ADGRV1: variants seen among roughly 807,000 people sequenced by gnomAD.
The protein encoded by ADGRV1 is G-protein coupled receptor 98.
Under a neutral mutation model 596.2 loss-of-function variants are expected in ADGRV1, and 359 were observed. That is an observed-to-expected ratio of 0.60 (90% CI 0.55 to 0.66). The LOEUF is 0.66. Among genes scored for constraint, ADGRV1 ranks in the 30% least tolerant of loss-of-function variants. The probability of loss-of-function intolerance (pLI) is 0.00; values close to 1 mark genes in which losing one functional copy is unlikely to be tolerated. For synonymous variants in ADGRV1, 2,681 were observed against 2,679.2 expected (o/e 1.00, Z -0.02); for missense variants, 7,274 against 7,575.6 (o/e 0.96, Z 1.48).
chr5:91,032,641 C>G (rs1440574008), intron 85 of ADGRV1, among the ~76,000 whole-genome samples: 1 of 151,884 alleles, frequency 6.6e-6, no homozygotes, highest in East Asian at 1.9e-4. Flanking sequence ...CTTTGCCTTA[C>G]TAAGTTTTTG....
intron 83 of ADGRV1, among the ~76,000 whole-genome samples, chr5:90,926,220 C>T (rs1774427478): frequency 6.6e-6 from 1 of 152,052 alleles, no homozygotes; most frequent in Admixed American, 6.6e-5. Context: ...CCACTTCCTC[C>T]TTGTACCTCT....
intron 14 of ADGRV1, among the ~76,000 whole-genome samples, chr5:90,644,326 T>C (rs570896612): frequency 6.6e-6 from 1 of 152,340 alleles, no homozygotes; most frequent in South Asian, 2.1e-4. Context: ...AAATAGTTTA[T>C]TTTTAGAGCA....
chr5:91,082,530 G>A (rs1405824922), intron 86 of ADGRV1, among the ~76,000 whole-genome samples: 4 of 151,954 alleles, frequency 2.6e-5, no homozygotes, highest in African/African-American at 9.7e-5. Context: ...TTTTAAAAGA[G>A]CACTTTTTAA....
chr5:90,844,795 C>T (rs1765723374), intron 78 of ADGRV1, among the ~76,000 whole-genome samples: 2 of 152,148 alleles, frequency 1.3e-5, no homozygotes, highest in African/African-American at 4.8e-5. Context: ...TGTCTTCTAT[C>T]CTGACAACTT....
At chr5:90,837,492 T>G (rs1277240332) in intron 77 of ADGRV1, among the ~76,000 whole-genome samples, 1 of 151,714 alleles carries the variant, frequency 6.6e-6, no homozygotes, top group Non-Finnish European at 1.5e-5. Flanking sequence ...CGGCTCAGTC[T>G]CTCGAGTAAC....
chr5:91,098,187 A>C (rs992240225), intron 86 of ADGRV1, among the ~76,000 whole-genome samples: 26 of 152,352 alleles, frequency 1.7e-4, no homozygotes, highest in African/African-American at 4.8e-4. Flanking sequence ...TAGGAAATAT[A>C]AAACCAAAGT....
chr5:90,736,544 G>A (rs1753247348), intron 50 of ADGRV1, among the ~76,000 whole-genome samples: 1 of 152,084 alleles, frequency 6.6e-6, no homozygotes, highest in Non-Finnish European at 1.5e-5. Flanking sequence ...AAGAAGGATT[G>A]GTATTTGCTC....
chr5:90,775,251 A>G (rs185173263), intron 60 of ADGRV1, among the ~76,000 whole-genome samples: 113 of 152,322 alleles, frequency 7.4e-4, no homozygotes, highest in African/African-American at 2.4e-3. Context: ...TAGAGTATCT[A>G]TCACTGTGTA....
chr5:90,675,257 T>C lies in ADGRV1; in HGVS notation c.5125T>C (p.Ser1709Pro). The C allele has an allele frequency of 6.2e-7, 1 of 1,613,242 alleles. No individual in the cohort carries two copies. Among genetic ancestry groups the C allele is most frequent in the Non-Finnish European group, 8.5e-7 (1 of 1,179,728 alleles). Reference sequence around the variant, plus strand: ...GTCTCCACTAGGCTTGCTGCAGTTCTCCACAGGGCTGCCTCCTCAGCCTAA... The same window carrying C: ...GTCTCCACTAGGCTTGCTGCAGTTCCCCACAGGGCTGCCTCCTCAGCCTAA... ...SDHPYGLLQFSTGLPPQPKDA... is the reference protein window; with the variant it reads ...SDHPYGLLQFPTGLPPQPKDA... The change falls in exon 24 of 90, where the codon TCC becomes CCC. Residue 1709 changes from serine to proline, a missense_variant. Ser to Pro is a moderately conservative substitution (Grantham distance 74, BLOSUM62 -1). Transcript: ENST00000405460.
At chr5:90,854,251 G>A (rs980964743) in intron 81 of ADGRV1, 50 bp downstream of exon 81, 10 of 1,395,816 alleles carry the variant, frequency 7.2e-6, no homozygotes, top group South Asian at 1.4e-5. Flanking sequence ...TCCCCATTTC[G>A]GTACCACTGA....
intron 29 of ADGRV1, among the ~76,000 whole-genome samples, chr5:90,687,741 C>G (rs937113742): frequency 4.6e-5 from 7 of 152,084 alleles, no homozygotes; most frequent in African/African-American, 1.7e-4. Context: ...CACAAGCACT[C>G]TTATACACCA....
intron 85 of ADGRV1, among the ~76,000 whole-genome samples, chr5:90,989,179 T>C (rs1446109902): frequency 6.6e-6 from 1 of 152,036 alleles, no homozygotes; most frequent in Non-Finnish European, 1.5e-5. Context: ...CTGGGTCAAA[T>C]GGTATTTCTA....
At chr5:90,959,838 T>C (rs938869761) in intron 83 of ADGRV1, among the ~76,000 whole-genome samples, 3 of 152,180 alleles carry the variant, frequency 2.0e-5, no homozygotes, top group South Asian at 2.1e-4. Flanking sequence ...TGCAAACTAA[T>C]GTATTAGAAA....
intron 45 of ADGRV1, among the ~76,000 whole-genome samples, chr5:90,723,590 A>G (rs978084293): frequency 6.6e-6 from 1 of 152,226 alleles, no homozygotes; most frequent in African/African-American, 2.4e-5. Flanking sequence ...TGTCAGGACC[A>G]TTTGGGACTC....
At chr5:90,644,637 ATTTCT>A (rs886126756) in intron 14 of ADGRV1, 64 bp from the exon 15 acceptor site, 38 of 1,243,524 alleles carry the variant, frequency 3.1e-5, no homozygotes, top group African/African-American at 7.8e-5. Flanking sequence ...TATTTAACCG[ATTTCT>A]TTACTCATCA....
At chr5:90,681,829 CG>C in intron 27 of ADGRV1, among the ~76,000 whole-genome samples, 1 of 141,178 alleles carries the variant, frequency 7.1e-6, no homozygotes, top group Non-Finnish European at 1.5e-5. Context: ...TCCCTCACTC[CG>C]TCCCTCCCTC....
rs189163231 is a variant in ADGRV1, at chr5:90,596,760, G to A, written c.23-18075G>A. ...CAGCAGTACAGTCCAGCTTCCGCTC[G>A]GCATCAGAGGGTGACCGTGGAAAGA... is the stretch of plus-strand genomic sequence containing the variant. On this transcript the variant is annotated intron_variant, in intron 1 of 89. Coordinates refer to ENST00000405460, the MANE Select transcript of ADGRV1 (RefSeq NM_032119.4). 1.5e-3 allele frequency among the ~76,000 whole-genome samples: 228 copies of A among 152,298 alleles called. 1 individual carries two copies. The highest frequency in any genetic ancestry group is 3.4e-3 in the Middle Eastern group (1 of 294).
chr5:90,827,839 A>G (rs1213889227), intron 76 of ADGRV1, among the ~76,000 whole-genome samples: 4 of 152,262 alleles, frequency 2.6e-5, no homozygotes, highest in African/African-American at 9.6e-5. Flanking sequence ...TAACTTACTT[A>G]TAAACACTTG....
intron 85 of ADGRV1, among the ~76,000 whole-genome samples, chr5:91,054,782 T>C (rs1786689676): frequency 1.3e-5 from 2 of 152,152 alleles, no homozygotes; most frequent in South Asian, 4.1e-4. Context: ...GATTTCAACA[T>C]GTAAATTTTG....
Sources: gnomAD v4.1 joint callset for allele counts (sites outside exome capture counted in the v4.1 genomes callset) on GRCh38, gnomAD v4.1.1 for gene constraint, MANE v1.5 for transcripts, NCBI Gene and HGNC (gene_info 2026-07-23, HGNC 2026-07-21) for gene names.